BCORL1: variants seen among roughly 807,000 people sequenced by gnomAD.
BCORL1 encodes the protein BCL-6 corepressor-like protein 1.
BCORL1 carries 7 observed loss-of-function variants against 87.6 expected under a neutral mutation model. The ratio of observed to expected loss-of-function variants is 0.08; its 90% confidence interval spans 0.05 to 0.15. BCORL1 has a LOEUF of 0.15. Among genes scored for constraint, BCORL1 ranks in the 10% least tolerant of loss-of-function variants. The pLI, the probability that BCORL1 is intolerant of heterozygous loss-of-function variation, is 1.00. For synonymous variants in BCORL1, 591 were observed against 634.4 expected (o/e 0.93, Z 1.03); for missense variants, 1,215 against 1,499.7 (o/e 0.81, Z 3.13).
At chrX:130,041,720 G>A (rs1603163485) in intron 11 of BCORL1, among the ~76,000 whole-genome samples, 1 of 111,101 alleles carries the variant, frequency 9.0e-6, no homozygotes, top group Non-Finnish European at 1.9e-5. Context: ...TCCACCTCTC[G>A]GGTTCACACC....
intron 4 of BCORL1, among the ~76,000 whole-genome samples, chrX:130,018,327 G>A (rs182761122): frequency 8.9e-6 from 1 of 111,849 alleles, no homozygotes; most frequent in African/African-American, 3.2e-5. Flanking sequence ...GGAAGAGTTG[G>A]GGAGTGACTG....
At position 130,015,127 on chromosome X, in the gene BCORL1, T is replaced by C. The variant is rs764577475; in HGVS notation, c.2355T>C (p.Tyr785=). Residue 785 remains tyrosine, a synonymous_variant, in exon 4 of 14, where the codon TAT becomes TAC. Transcript: ENST00000540052. ...GACAGCCAAGCACAGTGAAACGATA[T>C]ACTCCAGCCCGCATTGCCCCTGGGC... The part of the protein sequence containing the change: ...AEGQPSTVKR[Y]TPARIAPGLP... 14 of 1,210,846 alleles carry C rather than the reference T, an allele frequency of 1.2e-5. No homozygotes were observed. Among genetic ancestry groups the C allele is most frequent in the Non-Finnish European group, 1.6e-5 (14 of 895,380 alleles).
At chrX:130,005,711 G>C (rs1928431949) in intron 2 of BCORL1, among the ~76,000 whole-genome samples, 1 of 110,683 alleles carries the variant, frequency 9.0e-6, no homozygotes, top group East Asian at 2.8e-4. Flanking sequence ...CGCCTCCTGG[G>C]CTCAAGTGAT....
rs1929429507 is a variant in BCORL1, at chrX:130,016,200, C to G, written c.3428C>G (p.Ser1143Cys). ...CAAGCCAAGGCCGTGGTCCGGAGTT[C>G]CCACAGACCCAAGGTGAGTGCTGAG... ...QPQAKAVVRS[S>C]HRPKCRKLPS... The change falls in exon 4 of 14, where the codon TCC (serine) becomes TGC (cysteine). Residue 1143 changes from serine to cysteine, a missense_variant. Transcript: ENST00000540052. The G allele has an allele frequency of 5.8e-6, 7 of 1,200,364 alleles. No homozygotes were observed. Among genetic ancestry groups the G allele is most frequent in the African/African-American group, 1.7e-5 (1 of 57,575 alleles).
At position 130,015,755 on chromosome X, in the gene BCORL1, C is replaced by T; in HGVS notation, c.2983C>T (p.Leu995=). The T allele has an allele frequency of 8.3e-7, 1 of 1,211,972 alleles. No homozygotes were observed. The highest frequency in any genetic ancestry group is 1.1e-6 in the Non-Finnish European group (1 of 895,578). ...GCTGGCCACCTACATGTCCCATGAG[C>T]TGGTCCTGGCCACCCCCCAGAACCT... ...QVLATYMSHE[L]VLATPQNLPK... The change falls in exon 4 of 14, where the codon CTG becomes TTG. Residue 995 remains leucine (L), a synonymous_variant. Transcript: ENST00000540052.
chrX:130,003,691 T>C (rs1332969712), intron 1 of BCORL1, among the ~76,000 whole-genome samples: 2 of 111,721 alleles, frequency 1.8e-5, no homozygotes, highest in African/African-American at 6.5e-5. Flanking sequence ...TCTTCTAACA[T>C]GCCGTGACAT....
At position 130,015,690 on chromosome X, in the gene BCORL1, G is replaced by A; in HGVS notation, c.2918G>A (p.Gly973Asp). 1 of 1,211,894 alleles carries A rather than the reference G, an allele frequency of 8.3e-7. No individual in the cohort carries two copies. Among genetic ancestry groups the A allele is most frequent in the Non-Finnish European group, 1.1e-6 (1 of 895,589 alleles). Reference sequence around the variant, plus strand: ...ATGGAAGGCCCCCAGGGGGCTTGTGGCCTGAAGCTGGCAGGAGACACGAAG... The same window carrying A: ...ATGGAAGGCCCCCAGGGGGCTTGTGACCTGAAGCTGGCAGGAGACACGAAG... Reference protein sequence around the residue: ...PKMEGPQGACGLKLAGDTKPK... With the variant: ...PKMEGPQGACDLKLAGDTKPK... Residue 973 changes from glycine to aspartate, a missense_variant, in exon 4 of 14, where the codon GGC becomes GAC. By Grantham distance (94) the Gly-to-Asp change is moderately conservative. Coordinates refer to ENST00000540052, the MANE Select transcript of BCORL1 (RefSeq NM_001379451.1).
intron 9 of BCORL1, among the ~76,000 whole-genome samples, chrX:130,036,562 A>G (rs766241403): frequency 1.5e-4 from 17 of 112,553 alleles, no homozygotes; most frequent in African/African-American, 5.5e-4. Flanking sequence ...CACCCAGCCT[A>G]TTGGATTATC....
Position 130,014,493 on chromosome X carries a change from G to A in BCORL1, c.1721G>A (p.Ser574Asn). 8.3e-7 allele frequency: 1 copy of A among 1,211,596 alleles called. No individual in the cohort carries two copies. Among genetic ancestry groups the A allele is most frequent in the South Asian group, 1.8e-5 (1 of 56,966 alleles). The change falls in exon 4 of 14, where the codon AGC becomes AAC. Residue 574 changes from serine to asparagine, a missense_variant. By Grantham distance (46) the Ser-to-Asn change is conservative (BLOSUM62 1). Transcript: ENST00000540052. ...PQPLLPAPSG[S>N]SAPPHPAKMP... The stretch of plus-strand genomic sequence containing the variant: ...CCTCTGCTGCCAGCCCCCAGTGGGA[G>A]CTCAGCCCCACCGCACCCCGCCAAG...
rs1214170376 is a variant in BCORL1 at position 130,057,243 on chromosome X, A to T, written c.*1107A>T. ...TTGGGAATCTGCAGAGGGCTCTGGGACTCACTGCCGGATGTGAAATCCAGG... is the reference window on the plus strand; with the variant it reads ...TTGGGAATCTGCAGAGGGCTCTGGGTCTCACTGCCGGATGTGAAATCCAGG... On this transcript the variant is annotated 3_prime_UTR_variant, in exon 14 of 14. Coordinates refer to ENST00000540052, the MANE Select transcript of BCORL1 (RefSeq NM_001379451.1). 9.3e-6 allele frequency: 1 copy of T among 107,401 alleles called. No individual in the cohort carries two copies. The highest frequency in any genetic ancestry group is 3.4e-5 in the African/African-American group (1 of 29,120). The allele number at this position is 107,401 out of a possible 1,213,427, so 8.9% of individuals were successfully genotyped here. A position where few individuals can be genotyped will look rare whatever the true frequency, so the allele number is the denominator to read the frequency against.
chrX:129,980,917 C>A (rs1926052418), upstream of BCORL1, among the ~76,000 whole-genome samples: 1 of 107,375 alleles, frequency 9.3e-6, no homozygotes, highest in African/African-American at 3.4e-5. Flanking sequence ...GGAGGGAGAG[C>A]CGGGGGTGGA....
chrX:130,022,119 C>G (rs1291395616), intron 5 of BCORL1, among the ~76,000 whole-genome samples: 1 of 111,021 alleles, frequency 9.0e-6, no homozygotes, highest in East Asian at 2.8e-4. Flanking sequence ...TCTCTGTTCA[C>G]TGGCTCCTTG....
intron 11 of BCORL1, among the ~76,000 whole-genome samples, chrX:130,047,902 G>T (rs918005304): frequency 9.0e-6 from 1 of 111,636 alleles, no homozygotes; most frequent in African/African-American, 3.3e-5. Flanking sequence ...CTAACACAGG[G>T]CTAGGCACAG....
intron 1 of BCORL1, among the ~76,000 whole-genome samples, chrX:129,991,651 C>CTTTTTTT (rs112594609): frequency 2.1e-5 from 1 of 47,550 alleles, no homozygotes; most frequent in Non-Finnish European, 3.7e-5. Context: ...AGAAAATATT[C>CTTTTTTT]TTTTTTTTTT....
At chrX:130,043,780 A>ATTTT (rs1225149554) in intron 11 of BCORL1, among the ~76,000 whole-genome samples, 4 of 21,742 alleles carry the variant, frequency 1.8e-4, no homozygotes, top group African/African-American at 1.0e-3. Context: ...ATATATATAT[A>ATTTT]TATATTTTTT....
intron 1 of BCORL1, among the ~76,000 whole-genome samples, chrX:129,994,425 C>T (rs373926504): frequency 1.8e-5 from 2 of 111,722 alleles, no homozygotes; most frequent in East Asian, 2.8e-4. Flanking sequence ...GTGAAAAGGA[C>T]GTAGTATTGG....
At chrX:130,002,812 A>C (rs1351971395) in intron 1 of BCORL1, among the ~76,000 whole-genome samples, 1 of 107,914 alleles carries the variant, frequency 9.3e-6, no homozygotes, top group Non-Finnish European at 1.9e-5. Flanking sequence ...GGGATGAGAA[A>C]GAGGGAAGAA....
intron 1 of BCORL1, among the ~76,000 whole-genome samples, chrX:129,990,463 C>T (rs1026984714): frequency 9.2e-6 from 1 of 109,272 alleles, no homozygotes; most frequent in African/African-American, 3.3e-5. Context: ...AATCTCCTCA[C>T]CTCGTGATCC....
intron 1 of BCORL1, among the ~76,000 whole-genome samples, chrX:129,983,887 G>A (rs771281607): frequency 9.1e-6 from 1 of 110,164 alleles, no homozygotes; most frequent in South Asian, 3.9e-4. Context: ...AAGGAGGGAG[G>A]CTCCGGTTAC....
Sources: allele counts gnomAD v4.1 joint callset (sites outside exome capture counted in the v4.1 genomes callset), GRCh38; gene constraint gnomAD v4.1.1; transcripts MANE v1.5; gene names NCBI Gene and HGNC (gene_info 2026-07-23, HGNC 2026-07-21).